Variants in ARHGEF7 observed in about 807,000 individuals in gnomAD.
ARHGEF7 encodes Rho guanine nucleotide exchange factor 7, also known as PAK-interacting exchange factor beta.
In ARHGEF7, 33 loss-of-function variants were observed where a neutral mutation model predicts 109.8. The ratio of observed to expected loss-of-function variants is 0.30; its 90% CI spans 0.23 to 0.40. The LOEUF (loss-of-function observed/expected upper bound fraction) is 0.40, where lower values mean the gene tolerates loss of function less well. ARHGEF7 is among the 10% of genes least tolerant of loss of function. The probability of loss-of-function intolerance (pLI) is 1.00; values close to 1 mark genes in which losing one functional copy is unlikely to be tolerated. For missense variants in ARHGEF7, 938 were observed against 1,098.5 expected (o/e 0.85, Z 2.07); for synonymous variants, 458 against 424.6 (o/e 1.08, Z -0.97).
intron 5 of ARHGEF7, among the ~76,000 whole-genome samples, chr13:111,221,581 A>ATATATATAGATATG (rs2084375572): frequency 1.4e-5 from 1 of 70,040 alleles, no homozygotes; most frequent in East Asian, 2.1e-3. Context: ...ATACATATCT[A>ATATATATAGATATG]TATATATCTA....
intron 2 of ARHGEF7, among the ~76,000 whole-genome samples, chr13:111,169,715 G>A (rs1054322664): frequency 6.6e-6 from 1 of 152,134 alleles, no homozygotes; most frequent in Admixed American, 6.5e-5. Context: ...TAACTTTGGA[G>A]TCATTCTTAC....
chr13:111,260,839 A>G (rs933792304), intron 8 of ARHGEF7, among the ~76,000 whole-genome samples: 1 of 152,222 alleles, frequency 6.6e-6, no homozygotes, highest in Non-Finnish European at 1.5e-5. Context: ...GTTAAAAAGC[A>G]CAAGGACAAA....
At chr13:111,215,454 C>G (rs9583588) in intron 4 of ARHGEF7, among the ~76,000 whole-genome samples, 20,199 of 151,764 alleles carry the variant, frequency 0.13, 1,358 homozygotes, top group South Asian at 0.22. Context: ...TTTTCCTCCC[C>G]TGGCCCCTTG....
At chr13:111,203,496 G>T (rs2081424172) in intron 2 of ARHGEF7, among the ~76,000 whole-genome samples, 2 of 152,218 alleles carry the variant, frequency 1.3e-5, no homozygotes, top group Non-Finnish European at 2.9e-5. Context: ...TTAGCTTCAT[G>T]AAATCAGTTA....
chr13:111,131,433 T>A lies in ARHGEF7; in HGVS notation c.165+15742T>A, dbSNP rs1283635563. Among the ~76,000 whole-genome samples, 1 of 152,070 alleles carries A rather than the reference T, an allele frequency of 6.6e-6. No individual in the cohort carries two copies. Among genetic ancestry groups the A allele is most frequent in the East Asian group, 1.9e-4 (1 of 5,174 alleles). On this transcript the variant is annotated intron_variant, in intron 1 of 21. Coordinates refer to ENST00000646102, the MANE Select transcript of ARHGEF7 (RefSeq NM_001354046.2). This position sits in a 1 kb window ranked among gnomAD's most constrained non-coding sequence, Gnocchi z 4.4. ...AGGGTTGGGTGTGTCGTTGGAGGCA[T>A]CCGCATAGAGCTGTTGGAGCTTAGA...
chr13:111,280,252 TGGGG>T lies in ARHGEF7; in HGVS notation c.1507-14_1507-11del. On this transcript the variant is annotated splice_polypyrimidine_tract_variant and intron_variant, in intron 13 of 21. Transcript: ENST00000646102. Reference sequence around the variant, plus strand: ...AAAGCACTAATTGTTTTTTTTTTTGTGGGGGGGGGTCTTTTTTAGGGAAAGCTTC... The same window carrying T: ...AAAGCACTAATTGTTTTTTTTTTTGTGGGGGTCTTTTTTAGGGAAAGCTTC... 7.0e-7 allele frequency: 1 copy of T among 1,434,822 alleles called. No individual in the cohort carries two copies. The highest frequency in any genetic ancestry group is 1.5e-5 in the African/African-American group (1 of 68,724). The allele number at this position is 1,434,822 out of a possible 1,614,324, so 88.9% of individuals were successfully genotyped here. A position where few individuals can be genotyped will look rare whatever the true frequency, so the allele number is the denominator to read the frequency against.
At chr13:111,218,783 A>G (rs2083449444) in intron 5 of ARHGEF7, among the ~76,000 whole-genome samples, 1 of 152,292 alleles carries the variant, frequency 6.6e-6, no homozygotes. Context: ...TACTATGTGT[A>G]TGGAGTCTGG....
At chr13:111,149,258 G>T (rs929519391) in intron 1 of ARHGEF7, among the ~76,000 whole-genome samples, 3 of 149,938 alleles carry the variant, frequency 2.0e-5, no homozygotes, top group Admixed American at 6.7e-5. Context: ...AAAAAAAAAA[G>T]AAAAGAAAAG....
chr13:111,277,682 C>G lies in ARHGEF7; in HGVS notation c.1506+9C>G. ...GTGGCTTTATCTATCAGGTAAAACA[C>G]AATTTAAATTTATATTTTATTGTGG... On this transcript the variant is annotated intron_variant, in intron 13 of 21. Transcript: ENST00000646102. 1 of 1,544,426 alleles carries G rather than the reference C, an allele frequency of 6.5e-7. No individual in the cohort carries two copies. Among genetic ancestry groups the G allele is most frequent in the Non-Finnish European group, 8.9e-7 (1 of 1,122,088 alleles).
Position 111,258,175 on chromosome 13 carries a change from C to T in ARHGEF7, c.951-9373C>T, listed in dbSNP as rs1171421278. Among the ~76,000 whole-genome samples the T allele has an allele frequency of 1.3e-5, 2 of 151,666 alleles. No homozygotes were observed. Among genetic ancestry groups the T allele is most frequent in the Non-Finnish European group, 2.9e-5 (2 of 67,900 alleles). On this transcript the variant is annotated intron_variant, in intron 8 of 21. Transcript: ENST00000646102. This position sits in a 1 kb window ranked among gnomAD's most constrained non-coding sequence, Gnocchi z 4.4. The stretch of plus-strand genomic sequence containing the variant: ...CCAGGAGAGACTCCTCCCACAACCA[C>T]AGGCAGTGCAGCCTGCAGCTCCAGG...
chr13:111,212,131 C>T (rs888236044), intron 4 of ARHGEF7, among the ~76,000 whole-genome samples: 2 of 152,166 alleles, frequency 1.3e-5, no homozygotes, highest in African/African-American at 4.8e-5. Context: ...AAACCGTCAG[C>T]CCCCTGCCTC....
intron 8 of ARHGEF7, among the ~76,000 whole-genome samples, chr13:111,254,508 G>A (rs113244361): frequency 1.3e-4 from 18 of 139,744 alleles, no homozygotes; most frequent in African/African-American, 4.5e-4. Flanking sequence ...GGGCTAAGGC[G>A]CTGAGTCGCT....
rs112000199 is a variant in ARHGEF7 at position 111,205,707 on chromosome 13, T to G, written c.337+334T>G. Reference sequence around the variant, plus strand: ...GAAGCACCTTTCTCTCAGTTTTTACTGAGTGTATGCTGGTTAAAATTTGTA... The same window carrying G: ...GAAGCACCTTTCTCTCAGTTTTTACGGAGTGTATGCTGGTTAAAATTTGTA... On this transcript the variant is annotated intron_variant, in intron 3 of 21. Coordinates refer to ENST00000646102, the MANE Select transcript of ARHGEF7 (RefSeq NM_001354046.2). 3.0e-3 allele frequency among the ~76,000 whole-genome samples: 463 copies of G among 152,234 alleles called. 1 individual carries two copies. Among genetic ancestry groups the G allele is most frequent in the South Asian group, 0.011 (54 of 4,826 alleles).
chr13:111,148,265 A>C (rs946801896), intron 1 of ARHGEF7, among the ~76,000 whole-genome samples: 1 of 152,242 alleles, frequency 6.6e-6, no homozygotes, highest in African/African-American at 2.4e-5. Flanking sequence ...GTTAGCCTTA[A>C]ATCAGGGACA....
At chr13:111,293,091 A>G (rs1013820417) in intron 19 of ARHGEF7, 5 of 985,384 alleles carry the variant, frequency 5.1e-6, no homozygotes, top group Non-Finnish European at 6.0e-6. Flanking sequence ...GTTATAAGGC[A>G]CATAGCAAGC....
At chr13:111,298,623 G>A (rs1011353960) in intron 19 of ARHGEF7, among the ~76,000 whole-genome samples, 31 of 152,228 alleles carry the variant, frequency 2.0e-4, no homozygotes, top group African/African-American at 6.3e-4. Context: ...TTTAAAAAAC[G>A]TTTTTCTGAA....
chr13:111,286,227 C>T lies in ARHGEF7; in HGVS notation c.2031C>T (p.Phe677=), dbSNP rs137910941. ...AACGGAAGCCTTCAGATGAGGAGTT[C>T]GCGTCCCGGAAAAGTGAGTACCTGC... ...KPERKPSDEE[F]ASRKSTAALE... Residue 677 remains phenylalanine, a synonymous_variant, in exon 17 of 22, where the codon TTC becomes TTT. Coordinates refer to ENST00000646102, the MANE Select transcript of ARHGEF7 (RefSeq NM_001354046.2). 3.2e-4 allele frequency: 509 copies of T among 1,613,712 alleles called. 1 individual carries two copies. The African/African-American group carries it at 5.5e-3, about 17-fold the overall frequency.
At chr13:111,116,205 C>T (rs4771732) in intron 1 of ARHGEF7, among the ~76,000 whole-genome samples, 118,998 of 152,146 alleles carry the variant, frequency 0.78, 48,279 homozygotes, top group East Asian at 0.93. Context: ...CGCTGTGAAA[C>T]GATCTACTAC....
At chr13:111,279,141 C>T (rs945285448) in intron 13 of ARHGEF7, among the ~76,000 whole-genome samples, 2 of 152,238 alleles carry the variant, frequency 1.3e-5, no homozygotes, top group Admixed American at 6.5e-5. Flanking sequence ...GTAGGACTTA[C>T]AGCTGTTAAA....
Sources: allele counts gnomAD v4.1 joint callset (sites outside exome capture counted in the v4.1 genomes callset), GRCh38; gene constraint gnomAD v4.1.1; non-coding constraint Gnocchi (gnomAD v3.1); transcripts MANE v1.5; gene names NCBI Gene and HGNC (gene_info 2026-07-23, HGNC 2026-07-21).